CNTNAP2: variants seen among roughly 807,000 people sequenced by gnomAD.
The protein encoded by CNTNAP2 is contactin-associated protein-like 2.
In CNTNAP2, 98 loss-of-function variants were observed where a neutral mutation model predicts 155.2. The ratio of observed to expected loss-of-function variants is 0.63; its 90% confidence interval spans 0.54 to 0.75. The LOEUF (loss-of-function observed/expected upper bound fraction) is 0.75, where lower values mean the gene tolerates loss of function less well. CNTNAP2 is among the 30% of genes least tolerant of loss of function. The pLI is 0.00. For synonymous variants in CNTNAP2, 651 were observed against 631.2 expected, an observed-to-expected ratio of 1.03 and a Z score of -0.47; for missense variants, 1,727 against 1,688.1, an observed-to-expected ratio of 1.02 and a Z score of -0.40.
At chr7:147,830,378 C>T (rs1798528675) in intron 13 of CNTNAP2, among the ~76,000 whole-genome samples, 1 of 151,994 alleles carries the variant, frequency 6.6e-6, no homozygotes, top group South Asian at 2.1e-4. Context: ...TATAAGGTCA[C>T]TAATACCATA....
intron 15 of CNTNAP2, among the ~76,000 whole-genome samples, chr7:148,117,010 C>T (rs183328629): frequency 8.5e-5 from 13 of 152,284 alleles, no homozygotes; most frequent in Admixed American, 5.2e-4. Flanking sequence ...GAAATGTGCA[C>T]ATTAAAAAGG....
In CNTNAP2 at chr7:148,127,131, C is replaced by T. The variant is rs377226947; in HGVS notation, c.2554+8843C>T. Among the ~76,000 whole-genome samples the T allele has an allele frequency of 4.6e-5, 7 of 152,192 alleles. No individual in the cohort carries two copies. The South Asian group carries it at 1.0e-3, about 23-fold the overall frequency. The stretch of plus-strand genomic sequence containing the variant: ...ACCAGCATAGCCAACATGGCGAAAC[C>T]CCATTTCTACTAAAAATACAAAAAT... On this transcript the variant is annotated intron_variant, in intron 16 of 23. Coordinates refer to ENST00000361727, the MANE Select transcript of CNTNAP2 (RefSeq NM_014141.6).
At chr7:146,285,978 C>CTGTGTGTG (rs540809295) in intron 1 of CNTNAP2, among the ~76,000 whole-genome samples, 42 of 33,708 alleles carry the variant, frequency 1.2e-3, no homozygotes, top group African/African-American at 0.011. Flanking sequence ...CCTTCCTTCT[C>CTGTGTGTG]TGTGTGTGTG....
intron 21 of CNTNAP2, among the ~76,000 whole-genome samples, chr7:148,362,316 C>T (rs574250703): frequency 2.2e-4 from 34 of 152,196 alleles, no homozygotes; most frequent in Non-Finnish European, 4.6e-4. Context: ...CCTCCCTTGA[C>T]ATGTGGGGAT....
At chr7:146,956,133 C>A (rs1015627157) in intron 3 of CNTNAP2, among the ~76,000 whole-genome samples, 3 of 151,980 alleles carry the variant, frequency 2.0e-5, no homozygotes, top group African/African-American at 2.4e-5. Context: ...TGGTTTAGAA[C>A]CAAAGTGCTT....
intron 1 of CNTNAP2, among the ~76,000 whole-genome samples, chr7:146,298,667 C>T (rs544985845): frequency 3.9e-5 from 6 of 152,172 alleles, no homozygotes; most frequent in Non-Finnish European, 8.8e-5. Flanking sequence ...TCTGAACGTT[C>T]GATCCACTGT....
At position 146,839,743 on chromosome 7, in the gene CNTNAP2, C is replaced by G. The variant is rs373539525; in HGVS notation, c.241C>G (p.His81Asp). 5 of 1,614,056 alleles carry G rather than the reference C, an allele frequency of 3.1e-6. No homozygotes were observed. In the African/African-American group the frequency reaches 6.7e-5, roughly 22 times the overall value. The change falls in exon 3 of 24, where the codon CAT (histidine) becomes GAT (aspartate). Residue 81 changes from histidine to aspartate, a missense_variant. His to Asp is a moderately conservative substitution (Grantham distance 81). Transcript: ENST00000361727. Reference sequence around the variant, plus strand: ...GGGATGGTCTCCATCAGACAGCGACCATTATCAATGGCTTCAGGTTGACTT... The same window carrying G: ...GGGATGGTCTCCATCAGACAGCGACGATTATCAATGGCTTCAGGTTGACTT... ...AGGWSPSDSD[H>D]YQWLQVDFGN... is the part of the protein sequence containing the mutation.
intron 8 of CNTNAP2, among the ~76,000 whole-genome samples, chr7:147,227,956 A>C (rs554038149): frequency 6.6e-6 from 1 of 152,292 alleles, no homozygotes; most frequent in South Asian, 2.1e-4. Context: ...TTTGCACTCT[A>C]ATATTAATCG....
intron 14 of CNTNAP2, among the ~76,000 whole-genome samples, chr7:147,924,143 C>CTT (rs71527854): frequency 3.2e-5 from 4 of 123,494 alleles, no homozygotes; most frequent in African/African-American, 9.5e-5. Flanking sequence ...CTTTTCTTTT[C>CTT]TTTTTTTTTT....
chr7:148,370,633 C>A (rs1010676051), intron 21 of CNTNAP2, among the ~76,000 whole-genome samples: 1 of 134,028 alleles, frequency 7.5e-6, no homozygotes, highest in South Asian at 2.3e-4. Context: ...CATGGCTGGT[C>A]CCCCCCTACC....
At chr7:147,347,461 T>TATATATATGCATATATATATATGC (rs1554472699) in intron 9 of CNTNAP2, among the ~76,000 whole-genome samples, 1 of 62,550 alleles carries the variant, frequency 1.6e-5, no homozygotes, top group African/African-American at 5.6e-5. Flanking sequence ...TATATGCATA[T>TATATATATGCATATATATATATGC]ATATATATAT....
At chr7:146,671,800 CTTTTT>C (rs1347367128) in intron 1 of CNTNAP2, among the ~76,000 whole-genome samples, 1 of 151,410 alleles carries the variant, frequency 6.6e-6, no homozygotes, top group Non-Finnish European at 1.5e-5. Flanking sequence ...CTTTTCTTTT[CTTTTT>C]TTTATTTTGT....
chr7:147,840,411 G>A (rs1014825275), intron 13 of CNTNAP2, among the ~76,000 whole-genome samples: 1 of 152,126 alleles, frequency 6.6e-6, no homozygotes, highest in Non-Finnish European at 1.5e-5. Context: ...CCACTGGTGG[G>A]GGCAGAGGAA....
intron 18 of CNTNAP2, among the ~76,000 whole-genome samples, chr7:148,206,171 T>G (rs1280255259): frequency 6.7e-6 from 1 of 149,498 alleles, no homozygotes; most frequent in East Asian, 1.9e-4. Context: ...TGACTCCAAC[T>G]TGCTCTCACA....
rs190820391 is a variant in CNTNAP2, at chr7:147,913,912, A to G, written c.2255+10191A>G. ...ACAACTGGGTAGGAATGTATGACTG[A>G]GGTTACTTTTTTGAGGGCTATTTGG... On this transcript the variant is annotated intron_variant, in intron 14 of 23. Coordinates refer to ENST00000361727, the MANE Select transcript of CNTNAP2 (RefSeq NM_014141.6). Among the ~76,000 whole-genome samples, 8 of 152,312 alleles carry G rather than the reference A, an allele frequency of 5.3e-5. No individual in the cohort carries two copies. In the East Asian group the frequency reaches 1.4e-3, roughly 26 times the overall value.
In CNTNAP2 at chr7:148,415,535, G is replaced by C; in HGVS notation, c.3915G>C (p.Glu1305Asp). The C allele has an allele frequency of 1.9e-6, 3 of 1,614,250 alleles. No homozygotes were observed. The highest frequency in any genetic ancestry group is 2.5e-6 in the Non-Finnish European group (3 of 1,180,032). ...TNEAKGAESA[E>D]SADAAIMNND... ...AAGCAAAGGGGGCGGAGTCGGCAGA[G>C]AGCGCGGACGCCGCCATCATGAACA... The change falls in exon 24 of 24, where the codon GAG (glutamate) becomes GAC (aspartate). Residue 1305 changes from glutamate to aspartate, a missense_variant. Physicochemically the swap from Glu to Asp is conservative, Grantham distance 45 (BLOSUM62 2). Coordinates refer to ENST00000361727, the MANE Select transcript of CNTNAP2 (RefSeq NM_014141.6).
chr7:147,497,050 A>T (rs1798722645), intron 11 of CNTNAP2: 1 of 152,208 alleles, frequency 6.6e-6, no homozygotes, highest in African/African-American at 2.4e-5. Flanking sequence ...GCCGTTTCCA[A>T]GAAAATTTTG....
intron 22 of CNTNAP2, among the ~76,000 whole-genome samples, chr7:148,385,952 C>T (rs1799184056): frequency 6.6e-6 from 1 of 152,058 alleles, no homozygotes. Context: ...TGGTCTTGGA[C>T]TCCTAACCTC....
At chr7:146,328,608 A>G (rs1801133879) in intron 1 of CNTNAP2, among the ~76,000 whole-genome samples, 1 of 152,024 alleles carries the variant, frequency 6.6e-6, no homozygotes, top group African/African-American at 2.4e-5. Context: ...ATCATTAACT[A>G]GTCACTACAT....
Sources: allele counts gnomAD v4.1 joint callset (sites outside exome capture counted in the v4.1 genomes callset), GRCh38; gene constraint gnomAD v4.1.1; transcripts MANE v1.5; gene names NCBI Gene and HGNC (gene_info 2026-07-23, HGNC 2026-07-21).